The following PRKN variants were observed in gnomAD, a reference collection of about 807,000 sequenced individuals.
PRKN encodes the protein parkin RBR E3 ubiquitin protein ligase, also known as E3 ubiquitin-protein ligase parkin.
Under a neutral mutation model 59.5 loss-of-function variants are expected in PRKN, and 56 were observed. The observed-to-expected ratio is 0.94, with a 90% CI of 0.76 to 1.18. The LOEUF (loss-of-function observed/expected upper bound fraction) is 1.18, where lower values mean the gene tolerates loss of function less well. Ranked by LOEUF, PRKN falls within the 50% of genes most tolerant of loss-of-function variation. The pLI is 0.00. For synonymous variants in PRKN, 250 were observed against 222.1 expected, an observed-to-expected ratio of 1.13 and a Z score of -1.12; for missense variants, 657 against 596.4, an observed-to-expected ratio of 1.10 and a Z score of -1.06.
At chr6:162,171,822 A>G (rs1173855872) in intron 4 of PRKN, among the ~76,000 whole-genome samples, 3 of 152,024 alleles carry the variant, frequency 2.0e-5, no homozygotes, top group African/African-American at 7.2e-5. Flanking sequence ...TTTTGCATTT[A>G]TTTTCCTCAT....
intron 3 of PRKN, among the ~76,000 whole-genome samples, chr6:162,238,880 C>T (rs1194005345): frequency 6.6e-6 from 1 of 152,142 alleles, no homozygotes; most frequent in Non-Finnish European, 1.5e-5. Context: ...AGGCACGGGC[C>T]ACGTGTGCAG....
chr6:162,602,144 C>T (rs924729566), intron 1 of PRKN, among the ~76,000 whole-genome samples: 6 of 152,112 alleles, frequency 3.9e-5, no homozygotes, highest in African/African-American at 1.2e-4. Flanking sequence ...GGAGAGAGCA[C>T]CTCCGCGTAG....
chr6:161,942,145 A>C (rs1346130849), intron 6 of PRKN, among the ~76,000 whole-genome samples: 1 of 152,058 alleles, frequency 6.6e-6, no homozygotes, highest in African/African-American at 2.4e-5. Flanking sequence ...ATTGCAGAAC[A>C]TTTTACTTCA....
intron 2 of PRKN, among the ~76,000 whole-genome samples, chr6:162,342,201 G>A (rs888993704): frequency 5.3e-5 from 8 of 152,142 alleles, no homozygotes; most frequent in Non-Finnish European, 1.2e-4. Context: ...TTCAAATCAT[G>A]CAAGTGATGC....
At chr6:161,645,714 CA>C (rs1311994958) in intron 7 of PRKN, among the ~76,000 whole-genome samples, 1 of 152,250 alleles carries the variant, frequency 6.6e-6, no homozygotes, top group East Asian at 1.9e-4. Context: ...AATGAAATCA[CA>C]ATAAAGTGTC....
Position 161,402,025 on chromosome 6 carries a change from C to A in PRKN, c.1084-15148G>T, listed in dbSNP as rs922506381. 6.6e-6 allele frequency among the ~76,000 whole-genome samples: 1 copy of A among 152,156 alleles called. No individual in the cohort carries two copies. Among genetic ancestry groups the A allele is most frequent in the East Asian group, 1.9e-4 (1 of 5,196 alleles). On this transcript the variant is annotated intron_variant, in intron 9 of 11. Transcript: ENST00000366898. The surrounding 1 kb of genome is among the most constrained non-coding windows in gnomAD (Gnocchi z 4.5). The stretch of plus-strand genomic sequence containing the variant: ...GAGAGCATTTCCCACATTATCCTCT[C>A]GATATGCATCTCTGCCATGACTATC...
At chr6:161,985,105 C>T (rs1364628914) in intron 5 of PRKN, among the ~76,000 whole-genome samples, 3 of 152,216 alleles carry the variant, frequency 2.0e-5, no homozygotes, top group Non-Finnish European at 4.4e-5. Flanking sequence ...TGTCTCACCT[C>T]AACATAATCG....
At position 161,425,365 on chromosome 6, in the gene PRKN, C is replaced by T. The variant is rs370638762; in HGVS notation, c.1084-38488G>A. On this transcript the variant is annotated intron_variant, in intron 9 of 11. Coordinates refer to ENST00000366898, the MANE Select transcript of PRKN (RefSeq NM_004562.3). ...AAAAATGCACCTCCTGAAAGGTTAT[C>T]GCTGCACCCATTGCAATCCTGATCT... is the stretch of plus-strand genomic sequence containing the variant. Among the ~76,000 whole-genome samples the T allele has an allele frequency of 1.2e-4, 18 of 152,330 alleles. No individual in the cohort carries two copies. In the South Asian group the frequency reaches 2.3e-3, roughly 19 times the overall value.
intron 4 of PRKN, among the ~76,000 whole-genome samples, chr6:162,083,233 T>C (rs956104740): frequency 1.3e-5 from 2 of 151,966 alleles, no homozygotes; most frequent in African/African-American, 4.8e-5. Context: ...AAGTCTGAAC[T>C]ATTAACTGAA....
At chr6:162,136,741 T>A (rs2128309497) in intron 4 of PRKN, among the ~76,000 whole-genome samples, 1 of 152,246 alleles carries the variant, frequency 6.6e-6, no homozygotes, top group Middle Eastern at 3.4e-3. Flanking sequence ...GAAACTTGAG[T>A]GGAAAAGTCT....
chr6:161,944,741 G>A (rs1779717627), intron 6 of PRKN, among the ~76,000 whole-genome samples: 1 of 152,160 alleles, frequency 6.6e-6, no homozygotes, highest in African/African-American at 2.4e-5. Flanking sequence ...TCCTTATAAA[G>A]CAAAGAACAC....
rs183187123 is a variant in PRKN, at chr6:161,484,468, C to T, written c.1083+64386G>A. ...AGCGTCCCAAGTGCTTAGTAAGCAT[C>T]GATTAGTTTCATTTTTACAACCATC... On this transcript the variant is annotated intron_variant, in intron 9 of 11. Coordinates refer to ENST00000366898, the MANE Select transcript of PRKN (RefSeq NM_004562.3). This position sits in a 1 kb window ranked among gnomAD's most constrained non-coding sequence, Gnocchi z 4.9. Among the ~76,000 whole-genome samples the T allele has an allele frequency of 2.0e-5, 3 of 152,246 alleles. No homozygotes were observed. The East Asian group carries it at 5.8e-4, about 29-fold the overall frequency.
chr6:161,520,412 G>C (rs978465540), intron 9 of PRKN, among the ~76,000 whole-genome samples: 4 of 151,916 alleles, frequency 2.6e-5, no homozygotes, highest in African/African-American at 9.7e-5. Context: ...ATTTTTAGTA[G>C]AGATGGGGTT....
chr6:161,404,621 A>C (rs2114988132), intron 9 of PRKN, among the ~76,000 whole-genome samples: 1 of 152,334 alleles, frequency 6.6e-6, no homozygotes. Flanking sequence ...GGGTGTCTCT[A>C]AGTTTACATT....
intron 3 of PRKN, among the ~76,000 whole-genome samples, chr6:162,257,573 G>A (rs2128098528): frequency 1.3e-5 from 2 of 152,130 alleles, no homozygotes; most frequent in South Asian, 2.1e-4. Context: ...TGTCTGGGTC[G>A]GTTCCTCAAG....
intron 3 of PRKN, among the ~76,000 whole-genome samples, chr6:162,252,774 C>T (rs1320450099): frequency 6.6e-6 from 1 of 152,242 alleles, no homozygotes; most frequent in East Asian, 1.9e-4. Context: ...AAGCCACTGA[C>T]TCATTTTGTA....
intron 9 of PRKN, among the ~76,000 whole-genome samples, chr6:161,420,364 T>G (rs1788043778): frequency 1.3e-5 from 2 of 152,180 alleles, no homozygotes; most frequent in Non-Finnish European, 1.5e-5. Flanking sequence ...GGAGTTAGTC[T>G]TAAGCAGTTT....
chr6:161,714,951 T>C (rs915394531), intron 7 of PRKN, among the ~76,000 whole-genome samples: 1 of 152,202 alleles, frequency 6.6e-6, no homozygotes, highest in Admixed American at 6.5e-5. Flanking sequence ...ATCTTTCAAA[T>C]ACGGCATCTT....
intron 2 of PRKN, among the ~76,000 whole-genome samples, chr6:162,285,266 A>ATTTTTTTTTT (rs11392809): frequency 2.1e-5 from 2 of 95,924 alleles, no homozygotes; most frequent in Non-Finnish European, 2.0e-5. Flanking sequence ...TATTTTGGAG[A>ATTTTTTTTTT]TTTTTTTTTT....
Sources: allele counts gnomAD v4.1 joint callset (sites outside exome capture counted in the v4.1 genomes callset), GRCh38; gene constraint gnomAD v4.1.1; non-coding constraint Gnocchi (gnomAD v3.1); transcripts MANE v1.5; gene names NCBI Gene and HGNC (gene_info 2026-07-23, HGNC 2026-07-21).